The following MGAM2 variants were observed in gnomAD, a reference collection of about 807,000 sequenced individuals.
The protein encoded by MGAM2 is maltase-glucoamylase 2 (putative).
A neutral mutation model predicts 96.1 loss-of-function variants in MGAM2; 98 were observed. The ratio of observed to expected loss-of-function variants is 1.02; its 90% CI spans 0.87 to 1.21. The LOEUF (loss-of-function observed/expected upper bound fraction) is 1.21, where lower values mean the gene tolerates loss of function less well. Among genes scored for constraint, MGAM2 ranks in the 50% most tolerant of loss-of-function variants. The probability of loss-of-function intolerance (pLI) is 0.00; values close to 1 mark genes in which losing one functional copy is unlikely to be tolerated. For missense variants in MGAM2, 2,055 were observed against 1,182.4 expected (o/e 1.74, Z -10.82); for synonymous variants, 749 against 414.8 (o/e 1.81, Z -9.79).
intron 15 of MGAM2, among the ~76,000 whole-genome samples, chr7:142,153,404 C>T (rs1042918168): frequency 6.6e-6 from 1 of 152,208 alleles, no homozygotes; most frequent in African/African-American, 2.4e-5. Flanking sequence ...TAGAAAGTAT[C>T]AGATGCGATC....
In MGAM2 at chr7:142,120,341, C is replaced by T. The variant is rs372382877; in HGVS notation, c.146C>T (p.Ser49Leu). 5.0e-5 allele frequency: 35 copies of T among 702,820 alleles called. 1 individual carries two copies. The highest frequency in any genetic ancestry group is 3.2e-4 in the East Asian group (12 of 37,262). 43.5% of individuals were successfully genotyped at this position (702,820 alleles called of 1,614,324 possible). A position where few individuals can be genotyped will look rare whatever the true frequency, so the allele number is the denominator to read the frequency against. Residue 49 changes from serine (S) to leucine (L), a missense_variant, in exon 3 of 48, where the codon TCG becomes TTG. Transcript: ENST00000477922. ...FTPECPEIPQSERIDCTPDQE... is the reference protein window; with the variant it reads ...FTPECPEIPQLERIDCTPDQE... Reference sequence around the variant, plus strand: ...CCAGAGTGCCCAGAGATTCCCCAGTCGGAAAGGATAGACTGCACACCTGAC... The same window carrying T: ...CCAGAGTGCCCAGAGATTCCCCAGTTGGAAAGGATAGACTGCACACCTGAC...
In MGAM2 at chr7:142,220,025, T is replaced by A. The variant is rs933231939; in HGVS notation, c.5514T>A (p.Ser1838Arg). 1.4e-6 allele frequency: 1 copy of A among 702,904 alleles called. No homozygotes were observed. The highest frequency in any genetic ancestry group is 2.6e-6 in the Non-Finnish European group (1 of 384,936). The allele number at this position is 702,904 out of a possible 1,614,324, so 43.5% of individuals were successfully genotyped here. Residue 1838 changes from serine (S) to arginine (R), a missense_variant, in exon 48 of 48, where the codon AGT becomes AGA. Physicochemically the swap from Ser to Arg is moderately radical, Grantham distance 110. Transcript: ENST00000477922. ...HPSPSTTNAT[S>R]SETITSSASA... ...CTCCATCTACTACCAATGCCACCAG[T>A]TCTGAGACAATCACCAGTTCTGCCA...
chr7:142,151,235 C>T (rs1795571333), intron 15 of MGAM2, among the ~76,000 whole-genome samples: 1 of 152,134 alleles, frequency 6.6e-6, no homozygotes, highest in Non-Finnish European at 1.5e-5. Flanking sequence ...AAGGGCAGGA[C>T]CCAGCACCTA....
rs755726064 is a variant in MGAM2, at chr7:142,196,808, G to C, written c.4624G>C (p.Gly1542Arg). 2 of 779,594 alleles carry C rather than the reference G, an allele frequency of 2.6e-6. No homozygotes were observed. Among genetic ancestry groups the C allele is most frequent in the South Asian group, 2.7e-5 (2 of 74,354 alleles). The allele number at this position is 779,594 out of a possible 1,614,324, so 48.3% of individuals were successfully genotyped here. ...ATTTTCCAGAAACCACAACAACATC[G>C]GGACAAGGGTGAGGCAGTAGTTCGT... ...YPFSRNHNNI[G>R]TRRQDPVAWN... The change falls in exon 40 of 48, where the codon GGG (glycine) becomes CGG (arginine). Residue 1542 changes from glycine to arginine, a missense_variant. By Grantham distance (125) the Gly-to-Arg change is moderately radical. Coordinates refer to ENST00000477922, the MANE Select transcript of MGAM2 (RefSeq NM_001293626.2).
chr7:142,131,802 A>T, intron 5 of MGAM2, 129 bp from the exon 6 acceptor site: 1 of 612,202 alleles, frequency 1.6e-6, no homozygotes, highest in Non-Finnish European at 2.9e-6. Flanking sequence ...TTCACAAATC[A>T]GAAGCCACAA....
rs61345348 is a variant in MGAM2 at position 142,176,095 on chromosome 7, C to CAAAA, written c.3816+325_3816+328dup. On this transcript the variant is annotated intron_variant, in intron 32 of 47. Coordinates refer to ENST00000477922, the MANE Select transcript of MGAM2 (RefSeq NM_001293626.2). ...CTGTGGGCTGAAGCACTGAAGATAGCAAAAAAAAAAAAAGGGGGGGGCATC... is the reference window on the plus strand; with the variant it reads ...CTGTGGGCTGAAGCACTGAAGATAGCAAAAAAAAAAAAAAAAAGGGGGGGGCATC... 7.2e-3 allele frequency among the ~76,000 whole-genome samples: 950 copies of CAAAA among 131,274 alleles called. 9 individuals carry two copies. Among genetic ancestry groups the CAAAA allele is most frequent in the South Asian group, 0.032 (132 of 4,070 alleles). The allele number at this position is 131,274 out of a possible 152,430, so 86.1% of individuals were successfully genotyped here. A position where few individuals can be genotyped will look rare whatever the true frequency, so the allele number is the denominator to read the frequency against.
intron 2 of MGAM2, 60 bp downstream of exon 2, chr7:142,117,039 A>G: frequency 1.4e-6 from 1 of 701,354 alleles, no homozygotes; most frequent in African/African-American, 1.7e-5. Flanking sequence ...TAAACGCCAA[A>G]GAGATTATTT....
At chr7:142,140,175 C>T (rs1795179388) in intron 10 of MGAM2, among the ~76,000 whole-genome samples, 1 of 152,134 alleles carries the variant, frequency 6.6e-6, no homozygotes, top group South Asian at 2.1e-4. Flanking sequence ...CCCCAAAGCC[C>T]TCATCAGCCC....
At chr7:142,218,638 T>C (rs1797834838) in intron 47 of MGAM2, 107 bp downstream of exon 47, 3 of 590,526 alleles carry the variant, frequency 5.1e-6, no homozygotes, top group Non-Finnish European at 9.0e-6. Context: ...TAAATTTTCA[T>C]GTATTAGATG....
intron 3 of MGAM2, among the ~76,000 whole-genome samples, chr7:142,125,698 C>A (rs1017080977): frequency 1.3e-5 from 2 of 152,156 alleles, no homozygotes; most frequent in Admixed American, 6.5e-5. Context: ...GAAGCACTGA[C>A]TTAAGTTGTA....
intron 23 of MGAM2, 59 bp downstream of exon 23, chr7:142,162,063 G>A: frequency 1.5e-6 from 1 of 646,092 alleles, no homozygotes; most frequent in Non-Finnish European, 2.8e-6. Flanking sequence ...GGCTCTTTGA[G>A]TTTTTAGTTT....
intron 31 of MGAM2, 50 bp from the exon 32 acceptor site, chr7:142,175,602 G>T (rs529242903): frequency 2.9e-6 from 2 of 697,590 alleles, no homozygotes; most frequent in Admixed American, 2.0e-5. Context: ...AATGTGCCCT[G>T]CAGGGCACCT....
chr7:142,132,113 CT>C, intron 6 of MGAM2, 28 bp downstream of exon 6: 1 of 694,072 alleles, frequency 1.4e-6, no homozygotes, highest in Non-Finnish European at 2.6e-6. Context: ...CTTGGTGCAT[CT>C]TTGAACACAC....
chr7:142,211,422 T>A (rs1263315640), intron 46 of MGAM2, among the ~76,000 whole-genome samples: 1 of 152,172 alleles, frequency 6.6e-6, no homozygotes, highest in African/African-American at 2.4e-5. Flanking sequence ...TCTAACCCAA[T>A]GCAAGGAAGC....
At chr7:142,152,992 C>CTTTT (rs10559271) in intron 15 of MGAM2, among the ~76,000 whole-genome samples, 1 of 117,120 alleles carries the variant, frequency 8.5e-6, no homozygotes, top group African/African-American at 3.0e-5. Flanking sequence ...GCTTTTATTC[C>CTTTT]TTTTTTTTTT....
At chr7:142,149,751 C>G (rs1218308115) in intron 15 of MGAM2, among the ~76,000 whole-genome samples, 1 of 151,842 alleles carries the variant, frequency 6.6e-6, no homozygotes, top group Non-Finnish European at 1.5e-5. Context: ...CAGCGTTAGC[C>G]AGGATGGTCT....
intron 37 of MGAM2, among the ~76,000 whole-genome samples, chr7:142,195,434 C>T (rs1490545805): frequency 7.1e-6 from 1 of 141,270 alleles, no homozygotes; most frequent in East Asian, 2.2e-4. Flanking sequence ...CAGCTCACTG[C>T]AACCTCCATC....
chr7:142,127,591 G>A (rs1217214521), intron 3 of MGAM2, among the ~76,000 whole-genome samples: 2 of 152,026 alleles, frequency 1.3e-5, no homozygotes, highest in African/African-American at 4.8e-5. Context: ...GTGTGTCAAG[G>A]GTGGGCCAGG....
chr7:142,182,221 G>A (rs1035944858), intron 32 of MGAM2, among the ~76,000 whole-genome samples: 6 of 152,180 alleles, frequency 3.9e-5, no homozygotes, highest in African/African-American at 7.2e-5. Flanking sequence ...TGGGCCTGCA[G>A]CTTTGTTTTC....
Sources: gnomAD v4.1 joint callset for allele counts (sites outside exome capture counted in the v4.1 genomes callset) on GRCh38, gnomAD v4.1.1 for gene constraint, MANE v1.5 for transcripts, NCBI Gene and HGNC (gene_info 2026-07-23, HGNC 2026-07-21) for gene names.